PSD2: variants seen among roughly 807,000 people sequenced by gnomAD.
The protein encoded by PSD2 is pleckstrin and Sec7 domain containing 2.
In PSD2, 38 loss-of-function variants were observed where a neutral mutation model predicts 69.8. That is an observed-to-expected ratio of 0.54 (90% confidence interval 0.42 to 0.71). The LOEUF is 0.71. Among genes scored for constraint, PSD2 ranks in the 30% least tolerant of loss-of-function variants. PSD2 has a pLI of 0.00. For synonymous variants in PSD2, 412 were observed against 423.0 expected (o/e 0.97, Z 0.32); for missense variants, 943 against 1,014.5 (o/e 0.93, Z 0.96).
chr5:139,835,079 T>A (rs2126965181), intron 8 of PSD2, among the ~76,000 whole-genome samples: 1 of 151,584 alleles, frequency 6.6e-6, no homozygotes, highest in East Asian at 1.9e-4. Flanking sequence ...TCTCCACATC[T>A]ACTCACCCAT....
chr5:139,809,948 C>T (rs571624437), intron 2 of PSD2, 137 bp downstream of exon 2: 2 of 956,558 alleles, frequency 2.1e-6, no homozygotes, highest in Admixed American at 2.8e-5. Flanking sequence ...CTCTTTTGCC[C>T]AGATTCTGGG....
At chr5:139,801,569 A>G (rs1288501366) in intron 1 of PSD2, among the ~76,000 whole-genome samples, 2 of 151,756 alleles carry the variant, frequency 1.3e-5, no homozygotes, top group African/African-American at 2.4e-5. Flanking sequence ...GTGCCCCAGC[A>G]CTTGCCCTGC....
the PSD2 span, among the ~76,000 whole-genome samples, chr5:139,760,809 G>T: frequency 5.1e-4 from 77 of 152,330 alleles, no homozygotes; most frequent in Non-Finnish European, 1.0e-4. Flanking sequence ...AGAGCCACAA[G>T]CCTGCTGGGT....
At chr5:139,789,282 A>G in the PSD2 span, among the ~76,000 whole-genome samples, 2 of 152,054 alleles carry the variant, frequency 1.3e-5, no homozygotes, top group African/African-American at 2.4e-5. Flanking sequence ...TGTCCAGTCC[A>G]GACAGTCACG....
At chr5:139,766,930 CTTCTTTCTTTCT>C in the PSD2 span, among the ~76,000 whole-genome samples, 458 of 44,068 alleles carry the variant, frequency 0.01, 4 homozygotes, top group Middle Eastern at 0.023. Flanking sequence ...CCTTCCTTCC[CTTCTTTCTTTCT>C]TTCTTTCTTT....
chr5:139,744,060 A>C, the PSD2 span, among the ~76,000 whole-genome samples: 1 of 152,156 alleles, frequency 6.6e-6, no homozygotes, highest in African/African-American at 2.4e-5. Context: ...AAATCCTAGA[A>C]GCCTGCCTTC....
chr5:139,828,359 CT>C (rs1760482679), intron 7 of PSD2, among the ~76,000 whole-genome samples: 1 of 152,170 alleles, frequency 6.6e-6, no homozygotes, highest in South Asian at 2.1e-4. Flanking sequence ...TCAGGAACAG[CT>C]TAATTTCTCT....
the PSD2 span, among the ~76,000 whole-genome samples, chr5:139,772,316 T>C: frequency 6.6e-6 from 1 of 152,166 alleles, no homozygotes; most frequent in Non-Finnish European, 1.5e-5. Flanking sequence ...GGCTAATGAC[T>C]ATACCTGCCC....
intron 2 of PSD2, 130 bp downstream of exon 2, chr5:139,809,941 T>G: frequency 2.0e-6 from 2 of 1,008,926 alleles, no homozygotes; most frequent in Non-Finnish European, 2.9e-6. Flanking sequence ...CATATCCCTC[T>G]TTTGCCCAGA....
In PSD2 at chr5:139,842,547, G is replaced by T. The variant is rs978037868; in HGVS notation, c.*73G>T. The stretch of plus-strand genomic sequence containing the variant: ...GTCAGTGAGCACAATTCCAGCCAGG[G>T]GCCACTTGGACCAAGCTCCAGTCAG... On this transcript the variant is annotated 3_prime_UTR_variant, in exon 15 of 15. Coordinates refer to ENST00000274710, the MANE Select transcript of PSD2 (RefSeq NM_032289.4). 7.1e-7 allele frequency: 1 copy of T among 1,415,734 alleles called. No individual in the cohort carries two copies. Among genetic ancestry groups the T allele is most frequent in the African/African-American group, 1.4e-5 (1 of 71,262 alleles). 87.7% of individuals were successfully genotyped at this position (1,415,734 alleles called of 1,614,324 possible).
In PSD2 at chr5:139,813,723, T is replaced by G. The variant is rs569478854; in HGVS notation, c.786T>G (p.Asp262Glu). The part of the protein sequence containing the change: ...PQGPGGDEDD[D>E]EEDTDKLLNS... The stretch of plus-strand genomic sequence containing the variant: ...GCCCAGGGGGGGATGAGGATGATGA[T>G]GAGGAGGACACGGACAAGTTGCTGA... Residue 262 changes from aspartate to glutamate, a missense_variant, in exon 3 of 15, where the codon GAT (aspartate) becomes GAG (glutamate). Physicochemically the swap from Asp to Glu is conservative, Grantham distance 45. Transcript: ENST00000274710. 1.3e-5 allele frequency: 21 copies of G among 1,611,814 alleles called. No individual in the cohort carries two copies. The highest frequency in any genetic ancestry group is 8.0e-5 in the African/African-American group (6 of 74,968).
Position 139,814,334 on chromosome 5 carries a change from G to T in PSD2, c.986G>T (p.Arg329Leu). ...CTCTACCACCTCGAGGGCTTCCAGCGCTGTGATGTGGCCCGGCAGCTGGGC... is the reference window on the plus strand; with the variant it reads ...CTCTACCACCTCGAGGGCTTCCAGCTCTGTGATGTGGCCCGGCAGCTGGGC... ...RRLYHLEGFQ[R>L]CDVARQLGKN... Residue 329 changes from arginine to leucine, a missense_variant, in exon 4 of 15, where the codon CGC (arginine) becomes CTC (leucine). Transcript: ENST00000274710. This position sits in a 1 kb window ranked among gnomAD's most constrained non-coding sequence, Gnocchi z 4.4. 2 of 1,607,870 alleles carry T rather than the reference G, an allele frequency of 1.2e-6. No individual in the cohort carries two copies. The highest frequency in any genetic ancestry group is 1.7e-6 in the Non-Finnish European group (2 of 1,177,330).
intron 1 of PSD2, among the ~76,000 whole-genome samples, chr5:139,808,168 G>C (rs1759859785): frequency 6.6e-6 from 1 of 152,226 alleles, no homozygotes; most frequent in Non-Finnish European, 1.5e-5. Context: ...AAATGGCCCA[G>C]ATTCCTGTTT....
chr5:139,784,358 T>G, the PSD2 span, among the ~76,000 whole-genome samples: 1 of 152,232 alleles, frequency 6.6e-6, no homozygotes, highest in East Asian at 1.9e-4. Context: ...CCACCCAGAC[T>G]TTTCTGTCTG....
intron 5 of PSD2, among the ~76,000 whole-genome samples, chr5:139,820,114 C>T (rs1760220471): frequency 6.6e-6 from 1 of 152,024 alleles, no homozygotes; most frequent in Non-Finnish European, 1.5e-5. Context: ...GCTGCTGGTG[C>T]CAAGATGTGG....
At chr5:139,795,552 C>T (rs1014079255), upstream of PSD2, among the ~76,000 whole-genome samples, 6 of 152,076 alleles carry the variant, frequency 3.9e-5, no homozygotes, top group Non-Finnish European at 8.8e-5. The surrounding 1 kb of genome is among the most constrained non-coding windows in gnomAD (Gnocchi z 4.5). Flanking sequence ...GGGGGCAGAA[C>T]CCCGGGCGCT....
intron 7 of PSD2, among the ~76,000 whole-genome samples, chr5:139,832,831 A>G (rs1760626536): frequency 6.6e-6 from 1 of 152,228 alleles, no homozygotes; most frequent in African/African-American, 2.4e-5. Flanking sequence ...AGAGTCTGGA[A>G]GTATGAATAT....
At chr5:139,829,559 G>A (rs929536226) in intron 7 of PSD2, among the ~76,000 whole-genome samples, 1 of 152,166 alleles carries the variant, frequency 6.6e-6, no homozygotes, top group Non-Finnish European at 1.5e-5. Context: ...TTTGTCTACC[G>A]TAGATATTTC....
At chr5:139,792,921 TTTTCTTTC>T (rs1173221075), upstream of PSD2, among the ~76,000 whole-genome samples, 1 of 142,240 alleles carries the variant, frequency 7.0e-6, no homozygotes, top group African/African-American at 2.6e-5. Context: ...TTTCTTTCTT[TTTTCTTTC>T]TTTCTTTCTG....
Sources: allele counts gnomAD v4.1 joint callset (sites outside exome capture counted in the v4.1 genomes callset), GRCh38; gene constraint gnomAD v4.1.1; non-coding constraint Gnocchi (gnomAD v3.1); transcripts MANE v1.5; gene names NCBI Gene and HGNC (gene_info 2026-07-23, HGNC 2026-07-21).